RANBP2: variants seen among roughly 807,000 people sequenced by gnomAD.
The protein encoded by RANBP2 is E3 SUMO-protein ligase RanBP2.
A neutral mutation model predicts 303.6 loss-of-function variants in RANBP2; 57 were observed. The ratio of observed to expected loss-of-function variants is 0.19; its 90% confidence interval spans 0.15 to 0.23. The LOEUF (loss-of-function observed/expected upper bound fraction) is 0.23. RANBP2 is among the 10% of genes least tolerant of loss of function. The probability of loss-of-function intolerance (pLI) is 1.00; values close to 1 mark genes in which losing one functional copy is unlikely to be tolerated. For missense variants in RANBP2, 3,138 were observed against 3,780.8 expected (o/e 0.83, Z 4.46); for synonymous variants, 1,167 against 1,301.5 (o/e 0.90, Z 2.23).
At chr2:109,466,609 A>G in the RANBP2 span, among the ~76,000 whole-genome samples, 3 of 151,026 alleles carry the variant, frequency 2.0e-5, no homozygotes, top group Non-Finnish European at 4.4e-5. Context: ...TAACTATTTC[A>G]TGATTGTGTC....
chr2:108,860,867 A>G, the RANBP2 span, among the ~76,000 whole-genome samples: 3,132 of 147,012 alleles, frequency 0.021, 114 homozygotes, highest in South Asian at 0.084. Context: ...AATAGTTTCA[A>G]TAGAATTGGT....
At chr2:108,724,607 C>T (rs1252046587) in intron 1 of RANBP2, among the ~76,000 whole-genome samples, 1 of 151,938 alleles carries the variant, frequency 6.6e-6, no homozygotes, top group African/African-American at 2.4e-5. Context: ...AGTTCTGTAG[C>T]ATTTCTTGTA....
the RANBP2 span, chr2:109,615,769 A>G: frequency 3.7e-6 from 6 of 1,613,866 alleles, no homozygotes; most frequent in Admixed American, 1.0e-4. Flanking sequence ...ATCACCTACA[A>G]ACTCTCACAC....
the RANBP2 span, chr2:109,419,552 C>T: frequency 1.5e-3 from 2,338 of 1,596,472 alleles, 4 homozygotes; most frequent in South Asian, 2.2e-3. Context: ...GTCTCCTCCT[C>T]GGCGGGATCT....
At chr2:108,942,546 G>C in the RANBP2 span, among the ~76,000 whole-genome samples, 1 of 152,256 alleles carries the variant, frequency 6.6e-6, no homozygotes, top group Non-Finnish European at 1.5e-5. Flanking sequence ...CAGCGTCCCC[G>C]TCTCCCTCCC....
the RANBP2 span, among the ~76,000 whole-genome samples, chr2:109,725,961 G>A: frequency 1.9e-4 from 29 of 152,074 alleles, no homozygotes; most frequent in African/African-American, 6.5e-4. Flanking sequence ...TCAAACTCCT[G>A]ACCGCAGGTG....
At chr2:109,166,261 G>A in the RANBP2 span, among the ~76,000 whole-genome samples, 3 of 151,866 alleles carry the variant, frequency 2.0e-5, no homozygotes, top group South Asian at 4.2e-4. Flanking sequence ...GGTGGATCAC[G>A]AGGTCAGGAG....
chr2:109,687,133 G>A, the RANBP2 span, among the ~76,000 whole-genome samples: 1 of 151,878 alleles, frequency 6.6e-6, no homozygotes, highest in Non-Finnish European at 1.5e-5. Flanking sequence ...TTTCACTCAC[G>A]AGGATTTTCT....
At chr2:109,694,787 A>G in the RANBP2 span, among the ~76,000 whole-genome samples, 708 of 141,348 alleles carry the variant, frequency 5.0e-3, 4 homozygotes, top group Non-Finnish European at 8.8e-3. Context: ...ATCTGTATGT[A>G]TATATCCATA....
chr2:109,145,081 C>G, the RANBP2 span, among the ~76,000 whole-genome samples: 21 of 152,200 alleles, frequency 1.4e-4, no homozygotes, highest in African/African-American at 5.1e-4. Context: ...GGCCCTCTTA[C>G]GGGGCCTGGA....
At chr2:109,641,553 A>C in the RANBP2 span, among the ~76,000 whole-genome samples, 1 of 152,210 alleles carries the variant, frequency 6.6e-6, no homozygotes, top group Admixed American at 6.5e-5. Context: ...AAATTCATAG[A>C]GACAGAAAGT....
chr2:109,344,499 C>T, the RANBP2 span, among the ~76,000 whole-genome samples: 34 of 152,172 alleles, frequency 2.2e-4, no homozygotes, highest in Admixed American at 3.9e-4. Flanking sequence ...GCTGCCGTGC[C>T]GAGGAGCTCG....
the RANBP2 span, among the ~76,000 whole-genome samples, chr2:109,579,738 A>T: frequency 5.3e-5 from 8 of 152,108 alleles, no homozygotes; most frequent in African/African-American, 1.9e-4. Flanking sequence ...AAATAACTCT[A>T]ATCTTATGCA....
chr2:108,890,130 T>TG, the RANBP2 span, among the ~76,000 whole-genome samples: 2 of 6,032 alleles, frequency 3.3e-4, no homozygotes, highest in African/African-American at 4.0e-4. Context: ...TTGGCTGACA[T>TG]TTTTTTTTTT....
the RANBP2 span, among the ~76,000 whole-genome samples, chr2:109,172,223 T>C: frequency 1.3e-5 from 2 of 152,230 alleles, no homozygotes; most frequent in Non-Finnish European, 2.9e-5. Context: ...GCCAGGCCTC[T>C]GAGCACAGCG....
the RANBP2 span, among the ~76,000 whole-genome samples, chr2:109,688,135 CTTG>C: frequency 6.6e-6 from 1 of 152,122 alleles, no homozygotes; most frequent in Non-Finnish European, 1.5e-5. Flanking sequence ...TGTGACCTGT[CTTG>C]TTGGAGTGTA....
downstream of RANBP2, among the ~76,000 whole-genome samples, chr2:108,789,604 A>G (rs1376882300): frequency 6.6e-6 from 1 of 152,092 alleles, no homozygotes; most frequent in African/African-American, 2.4e-5. Context: ...GAAAGAAAAA[A>G]CGAACTACAA....
chr2:109,213,772 G>T, the RANBP2 span, among the ~76,000 whole-genome samples: 1 of 152,220 alleles, frequency 6.6e-6, no homozygotes, highest in Non-Finnish European at 1.5e-5. Context: ...ACGTGACGTG[G>T]TCTCACTGTG....
At chr2:109,750,740 T>TC in the RANBP2 span, among the ~76,000 whole-genome samples, 1 of 104,792 alleles carries the variant, frequency 9.5e-6, no homozygotes, top group Non-Finnish European at 2.0e-5. Flanking sequence ...TTTTTTTTTT[T>TC]CGAGTCAGAG....
Sources: gnomAD v4.1 joint callset for allele counts (sites outside exome capture counted in the v4.1 genomes callset) on GRCh38, gnomAD v4.1.1 for gene constraint, MANE v1.5 for transcripts, NCBI Gene and HGNC (gene_info 2026-07-23, HGNC 2026-07-21) for gene names.